Variants in SFSWAP observed in about 807,000 individuals in gnomAD.
The protein encoded by SFSWAP is splicing factor SWAP.
A neutral mutation model predicts 100.7 loss-of-function variants in SFSWAP; 17 were observed. That is an observed-to-expected ratio of 0.17 (90% CI 0.12 to 0.25). SFSWAP has a LOEUF of 0.25. SFSWAP is among the 10% of genes least tolerant of loss of function. SFSWAP has a pLI of 1.00. For synonymous variants in SFSWAP, 504 were observed against 510.1 expected, an observed-to-expected ratio of 0.99 and a Z score of 0.16; for missense variants, 1,005 against 1,262.6, an observed-to-expected ratio of 0.80 and a Z score of 3.09.
intron 7 of SFSWAP, among the ~76,000 whole-genome samples, chr12:131,732,514 C>A (rs1017722135): frequency 7.2e-5 from 11 of 152,196 alleles, no homozygotes; most frequent in African/African-American, 2.4e-4. Context: ...GTTTGAGGGG[C>A]CCCTTTCTGT....
rs11246784 is a variant in SFSWAP at position 131,735,245 on chromosome 12, C to T, written c.1081+6817C>T. On this transcript the variant is annotated intron_variant, in intron 7 of 17. Coordinates refer to ENST00000261674, the MANE Select transcript of SFSWAP (RefSeq NM_004592.4). The stretch of plus-strand genomic sequence containing the variant: ...TGGGCTGTGCATCATCCCTACACGC[C>T]CGCGCCTGAAGATTTATGCGCGCTT... Among the ~76,000 whole-genome samples the T allele has an allele frequency of 1.0e-3, 152 of 152,284 alleles. 2 individuals carry two copies. In the East Asian group the frequency reaches 0.026, roughly 26 times the overall value.
chr12:131,760,999 A>G (rs1190378696), intron 11 of SFSWAP, among the ~76,000 whole-genome samples: 13 of 152,190 alleles, frequency 8.5e-5, no homozygotes, highest in African/African-American at 2.9e-4. Context: ...TTGAAACTGG[A>G]AGGTGGAAGT....
chr12:131,755,514 T>G, intron 10 of SFSWAP, 35 bp downstream of exon 10: 1 of 1,481,402 alleles, frequency 6.8e-7, no homozygotes, highest in Non-Finnish European at 9.4e-7. Context: ...TGTGAAGCTC[T>G]TAGAGGTGGC....
chr12:131,788,377 C>T (rs1048517703), intron 15 of SFSWAP, among the ~76,000 whole-genome samples: 1 of 152,182 alleles, frequency 6.6e-6, no homozygotes, highest in African/African-American at 2.4e-5. Context: ...AACCTGCAAA[C>T]CAAAGTCTGC....
At chr12:131,720,375 C>A (rs1262177445) in intron 4 of SFSWAP, among the ~76,000 whole-genome samples, 1 of 152,182 alleles carries the variant, frequency 6.6e-6, no homozygotes, top group African/African-American at 2.4e-5. Flanking sequence ...GAACGTTGGT[C>A]TTAACTATGA....
Position 131,711,105 on chromosome 12 carries a change from A to G in SFSWAP, c.-125A>G. 1.3e-6 allele frequency: 1 copy of G among 743,116 alleles called. No homozygotes were observed. Among genetic ancestry groups the G allele is most frequent in the Non-Finnish European group, 2.1e-6 (1 of 472,442 alleles). 46.0% of individuals were successfully genotyped at this position (743,116 alleles called of 1,614,324 possible). A position where few individuals can be genotyped will look rare whatever the true frequency, so the allele number is the denominator to read the frequency against. On this transcript the variant is annotated 5_prime_UTR_variant, in exon 1 of 18. The change abolishes an upstream ATG in the 5' untranslated region. Transcript: ENST00000261674. This position sits in a 1 kb window ranked among gnomAD's most constrained non-coding sequence, Gnocchi z 4.9. The stretch of plus-strand genomic sequence containing the variant: ...CCCCTCCACCATTTTGTGGCCCGCT[A>G]TGGCGGCGGTGTTGAGGTTGGGTAC...
At position 131,794,831 on chromosome 12, in the gene SFSWAP, T is replaced by A. The variant is rs1251675795; in HGVS notation, c.2535-2347T>A. Among the ~76,000 whole-genome samples the A allele has an allele frequency of 1.3e-5, 2 of 152,176 alleles. No homozygotes were observed. Among genetic ancestry groups the A allele is most frequent in the Non-Finnish European group, 2.9e-5 (2 of 68,028 alleles). ...GGCACCTCGGTGCTTTAAAAAAAAA[T>A]GAATGAGTTGCTCCATTCCTTCAGC... On this transcript the variant is annotated intron_variant, in intron 15 of 17. Transcript: ENST00000261674. This position sits in a 1 kb window ranked among gnomAD's most constrained non-coding sequence, Gnocchi z 4.8.
intron 13 of SFSWAP, among the ~76,000 whole-genome samples, chr12:131,769,135 A>AG (rs1252563143): frequency 1.3e-5 from 2 of 151,818 alleles, no homozygotes; most frequent in Non-Finnish European, 2.9e-5. Flanking sequence ...TCAAAAAAAA[A>AG]AAGGATGTTC....
rs1400071595 is a variant in SFSWAP, at chr12:131,734,622, G to C, written c.1081+6194G>C. Among the ~76,000 whole-genome samples the C allele has an allele frequency of 1.3e-5, 2 of 152,230 alleles. No homozygotes were observed. The highest frequency in any genetic ancestry group is 4.8e-5 in the African/African-American group (2 of 41,462). On this transcript the variant is annotated intron_variant, in intron 7 of 17. Coordinates refer to ENST00000261674, the MANE Select transcript of SFSWAP (RefSeq NM_004592.4). The surrounding 1 kb of genome is among the most constrained non-coding windows in gnomAD (Gnocchi z 4.9). ...AAGGCTGGGACTGTCTTACTAGCCA[G>C]CGTGCTCCTTGCACCTCGATCCAAG...
chr12:131,736,599 G>A (rs977403994), intron 7 of SFSWAP, among the ~76,000 whole-genome samples: 2 of 152,052 alleles, frequency 1.3e-5, no homozygotes, highest in African/African-American at 2.4e-5. Context: ...CCTGAAATCC[G>A]TAGTAAACAC....
chr12:131,751,201 T>A (rs1049419469), intron 7 of SFSWAP, among the ~76,000 whole-genome samples: 10 of 152,274 alleles, frequency 6.6e-5, no homozygotes, highest in African/African-American at 2.4e-4. Flanking sequence ...GTGATTGCAC[T>A]TTACACAGTT....
At chr12:131,765,670 A>G (rs1260505518) in intron 12 of SFSWAP, among the ~76,000 whole-genome samples, 1 of 151,656 alleles carries the variant, frequency 6.6e-6, no homozygotes, top group Admixed American at 6.6e-5. Context: ...AAAAAAAGCC[A>G]TTTTTCAACC....
intron 7 of SFSWAP, among the ~76,000 whole-genome samples, chr12:131,751,851 C>T (rs1479798285): frequency 6.6e-6 from 1 of 152,242 alleles, no homozygotes; most frequent in Non-Finnish European, 1.5e-5. Flanking sequence ...GGCCTTTTCT[C>T]AGAAATGTTG....
chr12:131,719,862 C>A (rs1445587656), intron 4 of SFSWAP, among the ~76,000 whole-genome samples: 1 of 152,178 alleles, frequency 6.6e-6, no homozygotes, highest in Non-Finnish European at 1.5e-5. Flanking sequence ...GCTCCCCACA[C>A]ATAGATGTAA....
At chr12:131,785,913 T>C (rs4964996) in intron 14 of SFSWAP, 46,971 of 152,926 alleles carry the variant, frequency 0.31, 8,875 homozygotes, top group Non-Finnish European at 0.44. Context: ...ACAGGAGAAA[T>C]TTCCAGGTAG....
At chr12:131,716,009 A>C (rs1365077727) in intron 3 of SFSWAP, among the ~76,000 whole-genome samples, 3 of 152,216 alleles carry the variant, frequency 2.0e-5, no homozygotes, top group African/African-American at 4.8e-5. Context: ...CAAGTGACAC[A>C]TCTTTTAACA....
At chr12:131,789,269 G>A (rs1048659731) in intron 15 of SFSWAP, among the ~76,000 whole-genome samples, 13 of 152,280 alleles carry the variant, frequency 8.5e-5, no homozygotes, top group African/African-American at 2.4e-4. Flanking sequence ...CACCATGCCC[G>A]GCCCTGAAGG....
In SFSWAP at chr12:131,756,653, C is replaced by A. The variant is rs1593155112; in HGVS notation, c.1720+9C>A. ...CGGGAAGCTGGTGAAAGGTATGCTG[C>A]CACTTGCATGTTGGCCTTGCACATT... On this transcript the variant is annotated intron_variant, in intron 11 of 17. Coordinates refer to ENST00000261674, the MANE Select transcript of SFSWAP (RefSeq NM_004592.4). 1 of 1,573,784 alleles carries A rather than the reference C, an allele frequency of 6.4e-7. No individual in the cohort carries two copies. The highest frequency in any genetic ancestry group is 1.2e-5 in the South Asian group (1 of 84,834).
In SFSWAP at chr12:131,727,066, T is replaced by C. The variant is rs1359163895; in HGVS notation, c.945+14T>C. ...GAGCTGATGAAGGTTTTTATCTCAT[T>C]GTTGAACTATATTTTTATGCCACCA... is the stretch of plus-strand genomic sequence containing the variant. On this transcript the variant is annotated intron_variant, in intron 6 of 17. Coordinates refer to ENST00000261674, the MANE Select transcript of SFSWAP (RefSeq NM_004592.4). 1 of 1,431,624 alleles carries C rather than the reference T, an allele frequency of 7.0e-7. No individual in the cohort carries two copies. Among genetic ancestry groups the C allele is most frequent in the Non-Finnish European group, 9.8e-7 (1 of 1,020,834 alleles). The allele number at this position is 1,431,624 out of a possible 1,614,324, so 88.7% of individuals were successfully genotyped here. A position where few individuals can be genotyped will look rare whatever the true frequency, so the allele number is the denominator to read the frequency against.
Sources: gnomAD v4.1 joint callset for allele counts (sites outside exome capture counted in the v4.1 genomes callset) on GRCh38, gnomAD v4.1.1 for gene constraint, Gnocchi (gnomAD v3.1) non-coding constraint, MANE v1.5 for transcripts, NCBI Gene and HGNC (gene_info 2026-07-23, HGNC 2026-07-21) for gene names.